Variants in IQCM observed in about 807,000 individuals in gnomAD.
The protein encoded by IQCM is IQ motif containing M, also known as IQ domain-containing protein M.
A neutral mutation model predicts 57.6 loss-of-function variants in IQCM; 45 were observed. The ratio of observed to expected loss-of-function variants is 0.78; its 90% CI spans 0.62 to 1.00. IQCM has a LOEUF of 1.00. Ranked by LOEUF, IQCM falls within the 50% of genes least tolerant of loss-of-function variation. The pLI is 0.00. For missense variants in IQCM, 468 were observed against 511.6 expected, an observed-to-expected ratio of 0.91 and a Z score of 0.82; for synonymous variants, 148 against 158.9, an observed-to-expected ratio of 0.93 and a Z score of 0.51.
At chr4:149,670,769 T>C (rs562532102) in intron 7 of IQCM, among the ~76,000 whole-genome samples, 1 of 152,310 alleles carries the variant, frequency 6.6e-6, no homozygotes, top group East Asian at 1.9e-4. Flanking sequence ...GTTCATATGA[T>C]GGATTACATT....
intron 5 of IQCM, among the ~76,000 whole-genome samples, chr4:149,704,931 T>TTGCCCTTAGACATGAGAGC (rs1764044631): frequency 6.6e-6 from 1 of 151,704 alleles, no homozygotes. Flanking sequence ...TCATCTTCTT[T>TTGCCCTTAGACATGAGAGC]TGCCCTTAGA....
intron 13 of IQCM, among the ~76,000 whole-genome samples, chr4:149,384,743 T>C (rs1214385029): frequency 6.6e-6 from 1 of 150,560 alleles, no homozygotes; most frequent in East Asian, 1.9e-4. Flanking sequence ...TTTTCTCCTG[T>C]TAATCTTTTT....
chr4:149,378,738 A>G (rs1264543094), intron 13 of IQCM, among the ~76,000 whole-genome samples: 1 of 152,148 alleles, frequency 6.6e-6, no homozygotes, highest in African/African-American at 2.4e-5. Flanking sequence ...AGAAAATCCC[A>G]TTTTCTGAGG....
intron 8 of IQCM, among the ~76,000 whole-genome samples, chr4:149,602,123 AC>A (rs1307477551): frequency 6.6e-6 from 1 of 152,042 alleles, no homozygotes; most frequent in Non-Finnish European, 1.5e-5. Flanking sequence ...CAAGGAAAAA[AC>A]AATACAGTAT....
intron 7 of IQCM, among the ~76,000 whole-genome samples, chr4:149,679,603 A>G (rs1310948094): frequency 6.6e-6 from 1 of 151,546 alleles, no homozygotes. Context: ...AATTACATGA[A>G]TGTATTAAAT....
At chr4:149,533,624 G>A (rs1010079734) in intron 12 of IQCM, among the ~76,000 whole-genome samples, 12 of 152,066 alleles carry the variant, frequency 7.9e-5, no homozygotes, top group African/African-American at 2.9e-4. Flanking sequence ...GGCAAAGGAG[G>A]AGCAAAGGCA....
At chr4:149,656,923 A>T in intron 7 of IQCM, among the ~76,000 whole-genome samples, 1 of 152,176 alleles carries the variant, frequency 6.6e-6, no homozygotes, top group East Asian at 1.9e-4. Flanking sequence ...AAATAAACTA[A>T]GTTGTTAATC....
At chr4:149,453,766 G>A (rs992209996) in intron 12 of IQCM, among the ~76,000 whole-genome samples, 6 of 151,944 alleles carry the variant, frequency 3.9e-5, no homozygotes, top group South Asian at 4.1e-4. Flanking sequence ...TATATTGTTC[G>A]TGAGATTGTA....
chr4:149,603,307 T>C (rs1754481571), intron 8 of IQCM, among the ~76,000 whole-genome samples: 1 of 152,096 alleles, frequency 6.6e-6, no homozygotes. Context: ...AAGGCAAAGG[T>C]TAAAAGTTAT....
chr4:149,729,470 T>G (rs370350129), intron 5 of IQCM, among the ~76,000 whole-genome samples: 2,618 of 149,738 alleles, frequency 0.017, 46 homozygotes, highest in Non-Finnish European at 0.025. Context: ...TGTTTTTTTT[T>G]TTGTTGTTTT....
intron 5 of IQCM, chr4:149,690,994 AACTAT>A (rs1762904488): frequency 6.6e-6 from 1 of 152,156 alleles, no homozygotes; most frequent in African/African-American, 2.4e-5. Flanking sequence ...TTCAGAAGGT[AACTAT>A]AAAGCTCAGA....
intron 13 of IQCM, among the ~76,000 whole-genome samples, chr4:149,394,425 G>T (rs1732079882): frequency 6.6e-6 from 1 of 151,774 alleles, no homozygotes; most frequent in African/African-American, 2.4e-5. Context: ...CATTTATCTT[G>T]CAAAAGTATT....
intron 13 of IQCM, among the ~76,000 whole-genome samples, chr4:149,361,171 C>A (rs1015328540): frequency 1.3e-5 from 2 of 152,130 alleles, no homozygotes; most frequent in Admixed American, 6.5e-5. Flanking sequence ...TTTAGGGTAT[C>A]CGGTGGAAGA....
chr4:149,635,709 G>A (rs987856157), intron 7 of IQCM, among the ~76,000 whole-genome samples: 3 of 151,930 alleles, frequency 2.0e-5, no homozygotes, highest in East Asian at 3.9e-4. Context: ...AGATAAAAAC[G>A]AGAATTACCT....
intron 2 of IQCM, among the ~76,000 whole-genome samples, chr4:149,772,848 A>G (rs1380083084): frequency 6.6e-6 from 1 of 152,230 alleles, no homozygotes; most frequent in Non-Finnish European, 1.5e-5. Flanking sequence ...TTTGTGGAAC[A>G]TGTTTATTAA....
At chr4:149,577,673 G>GC (rs56823091) in intron 9 of IQCM, among the ~76,000 whole-genome samples, 150,446 of 152,064 alleles carry the variant, frequency 0.99, 74,451 homozygotes, top group East Asian at 1. Flanking sequence ...GATGCCTCTA[G>GC]TTTGTTCATT....
At chr4:149,505,252 T>A (rs1743677565) in intron 12 of IQCM, among the ~76,000 whole-genome samples, 1 of 152,178 alleles carries the variant, frequency 6.6e-6, no homozygotes, top group South Asian at 2.1e-4. Context: ...AAACAGAAAT[T>A]GCTCAGTTAT....
chr4:149,548,454 C>G lies in IQCM; in HGVS notation c.1228+1G>C, dbSNP rs1748679465. The G allele has an allele frequency of 1.6e-6, 2 of 1,231,800 alleles. No individual in the cohort carries two copies. The highest frequency in any genetic ancestry group is 2.0e-6 in the Non-Finnish European group (2 of 987,856). The allele number at this position is 1,231,800 out of a possible 1,614,324, so 76.3% of individuals were successfully genotyped here. A position where few individuals can be genotyped will look rare whatever the true frequency, so the allele number is the denominator to read the frequency against. On this transcript the variant is annotated splice_donor_variant, in intron 12 of 13. Transcript: ENST00000636793. LOFTEE classifies it high-confidence loss of function. ...GGAAAAAGAAATGAGAAACTACTCA[C>G]CTTGATGGACCAGGTCCCAAGTATC...
chr4:149,420,838 C>A (rs1257565376), intron 13 of IQCM, among the ~76,000 whole-genome samples: 1 of 151,950 alleles, frequency 6.6e-6, no homozygotes, highest in Non-Finnish European at 1.5e-5. Context: ...TTTGCCTATA[C>A]CTATGGCAAG....
Sources: allele counts gnomAD v4.1 joint callset (sites outside exome capture counted in the v4.1 genomes callset), GRCh38; gene constraint gnomAD v4.1.1; transcripts MANE v1.5; gene names NCBI Gene and HGNC (gene_info 2026-07-23, HGNC 2026-07-21).